ZBTB7C: variants seen among roughly 807,000 people sequenced by gnomAD.
The protein encoded by ZBTB7C is zinc finger and BTB domain containing 7C, also known as zinc finger and BTB domain-containing protein 7C.
A neutral mutation model predicts 25.7 loss-of-function variants in ZBTB7C; 8 were observed. The observed-to-expected ratio is 0.31, with a 90% CI of 0.18 to 0.56. The LOEUF is 0.56. Ranked by LOEUF, ZBTB7C falls within the 20% of genes least tolerant of loss-of-function variation. The probability of loss-of-function intolerance (pLI) is 0.91; values close to 1 mark genes in which losing one functional copy is unlikely to be tolerated. For synonymous variants in ZBTB7C, 394 were observed against 369.0 expected (o/e 1.07, Z -0.78); for missense variants, 824 against 855.2 (o/e 0.96, Z 0.46).
chr18:48,301,628 C>T (rs866649766), intron 2 of ZBTB7C, among the ~76,000 whole-genome samples: 2 of 152,110 alleles, frequency 1.3e-5, no homozygotes, highest in African/African-American at 4.8e-5. Context: ...AGTGAGCCTA[C>T]GGGCACTGGG....
chr18:48,329,519 G>T (rs2046298320), intron 2 of ZBTB7C, among the ~76,000 whole-genome samples: 1 of 152,228 alleles, frequency 6.6e-6, no homozygotes, highest in South Asian at 2.1e-4. Flanking sequence ...ACCCAAGCCA[G>T]TCCAGAGTTG....
intron 3 of ZBTB7C, among the ~76,000 whole-genome samples, chr18:48,153,241 A>T (rs2040732671): frequency 2.6e-5 from 4 of 152,264 alleles, no homozygotes. Context: ...AACATATAAA[A>T]GGCTTTATAG....
At chr18:48,084,530 T>C (rs562869846) in intron 3 of ZBTB7C, among the ~76,000 whole-genome samples, 50 of 152,284 alleles carry the variant, frequency 3.3e-4, no homozygotes, top group Admixed American at 1.6e-3. Context: ...TTCTGGGGCA[T>C]CCAGCATGAA....
At chr18:48,084,856 A>G (rs1266795254) in intron 3 of ZBTB7C, among the ~76,000 whole-genome samples, 1 of 151,882 alleles carries the variant, frequency 6.6e-6, no homozygotes, top group Non-Finnish European at 1.5e-5. Flanking sequence ...CCAGAGAGGG[A>G]CTCTGTCACC....
At chr18:48,330,804 GGGGAGCA>G in intron 2 of ZBTB7C, among the ~76,000 whole-genome samples, 1 of 152,058 alleles carries the variant, frequency 6.6e-6, no homozygotes, top group African/African-American at 2.4e-5. Context: ...GGCTGGGCAG[GGGGAGCA>G]TCTACCCCAG....
intron 3 of ZBTB7C, among the ~76,000 whole-genome samples, chr18:48,126,950 G>A (rs544759052): frequency 6.6e-6 from 1 of 152,272 alleles, no homozygotes. Context: ...GAGGAAAGGG[G>A]GAGGGAAAAG....
intron 2 of ZBTB7C, among the ~76,000 whole-genome samples, chr18:48,300,043 C>G (rs1373240514): frequency 2.0e-5 from 3 of 152,122 alleles, no homozygotes; most frequent in Non-Finnish European, 4.4e-5. Flanking sequence ...TGGGGTGAAG[C>G]CTAAGATTCT....
At chr18:48,163,062 C>T (rs1222249398) in intron 3 of ZBTB7C, among the ~76,000 whole-genome samples, 7 of 152,084 alleles carry the variant, frequency 4.6e-5, no homozygotes, top group East Asian at 3.9e-4. Flanking sequence ...CTCAGTGAAG[C>T]GGCAGCTACT....
chr18:48,115,568 A>AACAC (rs903255106), intron 3 of ZBTB7C, among the ~76,000 whole-genome samples: 1 of 151,012 alleles, frequency 6.6e-6, no homozygotes, highest in Non-Finnish European at 1.5e-5. Flanking sequence ...CACACACACA[A>AACAC]ACACACACAC....
At chr18:48,199,298 T>C (rs979829909) in intron 2 of ZBTB7C, among the ~76,000 whole-genome samples, 2 of 152,234 alleles carry the variant, frequency 1.3e-5, no homozygotes, top group Admixed American at 6.5e-5. Context: ...TCTCCATTTC[T>C]GGAACTCCTA....
intron 2 of ZBTB7C, among the ~76,000 whole-genome samples, chr18:48,315,673 T>C (rs2144819488): frequency 6.6e-6 from 1 of 152,230 alleles, no homozygotes; most frequent in Non-Finnish European, 1.5e-5. Context: ...GGGTGGCTCC[T>C]CATGGGCGTG....
At chr18:48,395,265 ATGTGTGTGTGTGTGTGTGTG>A (rs59232482) in intron 1 of ZBTB7C, among the ~76,000 whole-genome samples, 19,215 of 103,576 alleles carry the variant, frequency 0.19, 1,875 homozygotes, top group South Asian at 0.24. Flanking sequence ...GAGAGAGAGA[ATGTGTGTGTGTGTGTGTGTG>A]TGTGTGTGTG....
intron 3 of ZBTB7C, among the ~76,000 whole-genome samples, chr18:48,170,932 C>T (rs1019657429): frequency 3.3e-5 from 5 of 152,198 alleles, no homozygotes; most frequent in African/African-American, 1.2e-4. Flanking sequence ...CCCCCTGCCC[C>T]ACAGGGCAGG....
intron 1 of ZBTB7C, among the ~76,000 whole-genome samples, chr18:48,367,279 T>C (rs1038007422): frequency 2.1e-4 from 28 of 134,800 alleles, no homozygotes; most frequent in African/African-American, 7.0e-4. Context: ...TATATGTATA[T>C]GTAAATATGT....
In ZBTB7C at chr18:48,040,155, G is replaced by A. The variant is rs371251738; in HGVS notation, c.953C>T (p.Pro318Leu). 2.0e-5 allele frequency: 32 copies of A among 1,577,714 alleles called. 1 individual carries two copies. The highest frequency in any genetic ancestry group is 2.5e-5 in the Non-Finnish European group (29 of 1,162,246). The change falls in exon 4 of 5, where the codon CCG (proline) becomes CTG (leucine). Residue 318 changes from proline to leucine, a missense_variant. Pro to Leu is a moderately conservative substitution (Grantham distance 98). This residue lies in a region of ZBTB7C where 316 missense variants were observed against 299.2 expected (regional missense o/e 1.06). Transcript: ENST00000590800. ...DFFKDMFPDL[P>L]GGPLGPIKAE... ...CTTGATGGGTCCCAGAGGCCCCCCCGGCAGGTCAGGGAACATGTCCTTGAA... is the reference window on the plus strand; with the variant it reads ...CTTGATGGGTCCCAGAGGCCCCCCCAGCAGGTCAGGGAACATGTCCTTGAA...
At chr18:48,335,015 G>T (rs1257483332) in intron 2 of ZBTB7C, among the ~76,000 whole-genome samples, 2 of 152,238 alleles carry the variant, frequency 1.3e-5, no homozygotes, top group Non-Finnish European at 2.9e-5. Flanking sequence ...AGCTGGCATA[G>T]ATAGAGCACC....
At chr18:48,202,814 G>A (rs2145208952) in intron 2 of ZBTB7C, among the ~76,000 whole-genome samples, 1 of 152,140 alleles carries the variant, frequency 6.6e-6, no homozygotes, top group East Asian at 1.9e-4. Context: ...AGGAGATAAA[G>A]AGTGTCCATG....
intron 3 of ZBTB7C, chr18:48,072,338 A>G (rs2037575336): frequency 6.8e-6 from 1 of 147,796 alleles, no homozygotes; most frequent in Admixed American, 6.6e-5. Context: ...TAAATGAGAT[A>G]ATGTATATGA....
At chr18:48,073,882 A>T (rs1353760575) in intron 3 of ZBTB7C, among the ~76,000 whole-genome samples, 1 of 151,956 alleles carries the variant, frequency 6.6e-6, no homozygotes, top group African/African-American at 2.4e-5. Flanking sequence ...CCTCACTCTG[A>T]TTTGTCTCCT....
Sources: allele counts gnomAD v4.1 joint callset (sites outside exome capture counted in the v4.1 genomes callset), GRCh38; gene constraint gnomAD v4.1.1; regional missense constraint gnomAD v4.1.1; transcripts MANE v1.5; gene names NCBI Gene and HGNC (gene_info 2026-07-23, HGNC 2026-07-21).